ZNF287: variants seen among roughly 807,000 people sequenced by gnomAD.
The protein encoded by ZNF287 is zinc finger protein with KRAB and SCAN domains 13.
ZNF287 carries 31 observed loss-of-function variants against 73.7 expected under a neutral mutation model. That is an observed-to-expected ratio of 0.42 (90% CI 0.32 to 0.57). The LOEUF is 0.57. Ranked by LOEUF, ZNF287 falls within the 20% of genes least tolerant of loss-of-function variation. The pLI, the probability that ZNF287 is intolerant of heterozygous loss-of-function variation, is 0.13. For missense variants in ZNF287, 641 were observed against 909.3 expected (o/e 0.70, Z 3.79); for synonymous variants, 301 against 307.2 (o/e 0.98, Z 0.21).
In ZNF287 at chr17:16,567,314, C is replaced by T. The variant is rs529239634; in HGVS notation, c.403+15G>A. On this transcript the variant is annotated intron_variant, in intron 2 of 5. Transcript: ENST00000395825. Reference sequence around the variant, plus strand: ...CACCCAGGGATTCCTCCCCTCTCTGCTCTATGATTCTCACCTTCCTCTTCT... The same window carrying T: ...CACCCAGGGATTCCTCCCCTCTCTGTTCTATGATTCTCACCTTCCTCTTCT... 3.7e-6 allele frequency: 6 copies of T among 1,603,294 alleles called. No homozygotes were observed. Among genetic ancestry groups the T allele is most frequent in the Non-Finnish European group, 5.1e-6 (6 of 1,173,842 alleles).
rs1470575169 is a variant in ZNF287 at position 16,551,010 on chromosome 17, T to C, written c.*846A>G. On this transcript the variant is annotated 3_prime_UTR_variant, in exon 6 of 6. Coordinates refer to ENST00000395825, the MANE Select transcript of ZNF287 (RefSeq NM_020653.4). ...GTTATATACACATTAGTTTCTATCA[T>C]AACATATCTTTCATTAAGCTTCTCT... Among the ~76,000 whole-genome samples the C allele has an allele frequency of 1.6e-5, 2 of 124,022 alleles. No homozygotes were observed. The highest frequency in any genetic ancestry group is 3.2e-5 in the Non-Finnish European group (2 of 63,428). The allele number at this position is 124,022 out of a possible 152,430, so 81.4% of individuals were successfully genotyped here.
chr17:16,567,711 C>A lies in ZNF287; in HGVS notation c.21G>T (p.Arg7Ser). The change falls in exon 2 of 6, where the codon AGG (arginine) becomes AGT (serine). Residue 7 changes from arginine to serine, a missense_variant. Physicochemically the swap from Arg to Ser is moderately radical, Grantham distance 110 (BLOSUM62 -1). Around this residue, in one of 2 missense-constraint regions of ZNF287, gnomAD observed 357 missense variants for 442.4 expected, o/e 0.81. Coordinates refer to ENST00000395825, the MANE Select transcript of ZNF287 (RefSeq NM_020653.4). MLASSK[R>S]MNSSSRSQIL... ...TTTGAGAACGTGAAGAACTGTTCAT[C>A]CTCTTGCTTGAGGCTAACATTGCTA... 1 of 1,611,398 alleles carries A rather than the reference C, an allele frequency of 6.2e-7. No individual in the cohort carries two copies. Among genetic ancestry groups the A allele is most frequent in the Non-Finnish European group, 8.5e-7 (1 of 1,178,248 alleles).
At position 16,552,729 on chromosome 17, in the gene ZNF287, T is replaced by C. The variant is rs564415552; in HGVS notation, c.1413A>G (p.Gln471=). The part of the protein sequence containing the change: ...FSQRAHLTIH[Q]RTHTGEKPYK... ...ATGGTTTCTCTCCAGTATGTGTCCTTTGATGGATGGTAAGGTGTGCACGCT... is the reference window on the plus strand; with the variant it reads ...ATGGTTTCTCTCCAGTATGTGTCCTCTGATGGATGGTAAGGTGTGCACGCT... Residue 471 remains glutamine (Q), a synonymous_variant, in exon 6 of 6, where the codon CAA becomes CAG. Coordinates refer to ENST00000395825, the MANE Select transcript of ZNF287 (RefSeq NM_020653.4). This position sits in a 1 kb window ranked among gnomAD's most constrained non-coding sequence, Gnocchi z 6.5. 14 of 1,614,072 alleles carry C rather than the reference T, an allele frequency of 8.7e-6. No individual in the cohort carries two copies. The highest frequency in any genetic ancestry group is 8.0e-5 in the African/African-American group (6 of 75,016).
At chr17:16,564,465 G>C (rs761168598) in intron 3 of ZNF287, among the ~76,000 whole-genome samples, 7 of 152,066 alleles carry the variant, frequency 4.6e-5, no homozygotes, top group Admixed American at 2.0e-4. Flanking sequence ...GCTCCCCAAA[G>C]TGTTGGGATT....
rs781012127 is a variant in ZNF287 at position 16,563,790 on chromosome 17, G to A, written c.537C>T (p.Ile179=). 7 of 1,613,912 alleles carry A rather than the reference G, an allele frequency of 4.3e-6. No individual in the cohort carries two copies. The highest frequency in any genetic ancestry group is 5.9e-6 in the Non-Finnish European group (7 of 1,179,882). Residue 179 remains isoleucine, a synonymous_variant, in exon 4 of 6, where the codon ATC becomes ATT. Transcript: ENST00000395825. ...GCATTAACTCCCAGTCCTCCTGGGT[G>A]ATGTCTACAGCCACATCTTTGAATG... ...SMTFKDVAVD[I]TQEDWELMRP...
At chr17:16,556,213 C>G (rs1163737627) in intron 5 of ZNF287, among the ~76,000 whole-genome samples, 1 of 149,656 alleles carries the variant, frequency 6.7e-6, no homozygotes, top group Non-Finnish European at 1.5e-5. Context: ...GGAGAAGGTC[C>G]TGGTCATGAC....
chr17:16,561,548 T>C (rs549520158), intron 5 of ZNF287, among the ~76,000 whole-genome samples: 1 of 152,260 alleles, frequency 6.6e-6, no homozygotes, highest in South Asian at 2.1e-4. Flanking sequence ...TGAGATGAAT[T>C]ACCATTATGT....
At chr17:16,566,783 T>G (rs1907769589) in intron 2 of ZNF287, among the ~76,000 whole-genome samples, 161 bp from the exon 3 acceptor site, 1 of 152,224 alleles carries the variant, frequency 6.6e-6, no homozygotes, top group Non-Finnish European at 1.5e-5. Context: ...GCCAATGACT[T>G]GTCCTAAGAC....
Position 16,548,721 on chromosome 17 carries a change from A to T in ZNF287, c.*3135T>A, listed in dbSNP as rs1304150873. On this transcript the variant is annotated 3_prime_UTR_variant, in exon 6 of 6. Coordinates refer to ENST00000395825, the MANE Select transcript of ZNF287 (RefSeq NM_020653.4). ...AGGCTGAGGCAGGAGAATGGCGTGA[A>T]CCTGGGAGGCGGACCTTGCAGTGAG... Among the ~76,000 whole-genome samples, 5 of 152,068 alleles carry T rather than the reference A, an allele frequency of 3.3e-5. No homozygotes were observed. The highest frequency in any genetic ancestry group is 5.9e-5 in the Non-Finnish European group (4 of 67,988).
chr17:16,550,541 C>T lies in ZNF287; in HGVS notation c.*1315G>A, dbSNP rs1458031802. On this transcript the variant is annotated 3_prime_UTR_variant, in exon 6 of 6. Coordinates refer to ENST00000395825, the MANE Select transcript of ZNF287 (RefSeq NM_020653.4). ...ATAGCTACACTATCACTTCCACTTC[C>T]TTCTCTTGGGATATAGGTAGCATTT... Among the ~76,000 whole-genome samples, 1 of 152,134 alleles carries T rather than the reference C, an allele frequency of 6.6e-6. No individual in the cohort carries two copies. Among genetic ancestry groups the T allele is most frequent in the Admixed American group, 6.5e-5 (1 of 15,270 alleles).
Position 16,550,443 on chromosome 17 carries a change from T to G in ZNF287, c.*1413A>C, listed in dbSNP as rs1158844211. On this transcript the variant is annotated 3_prime_UTR_variant, in exon 6 of 6. Coordinates refer to ENST00000395825, the MANE Select transcript of ZNF287 (RefSeq NM_020653.4). ...GTATGTTTTCCTCACTCCACTAAAATTTCACCTTTTCCCCGACCCACATTC... is the reference window on the plus strand; with the variant it reads ...GTATGTTTTCCTCACTCCACTAAAAGTTCACCTTTTCCCCGACCCACATTC... Among the ~76,000 whole-genome samples, 1 of 152,184 alleles carries G rather than the reference T, an allele frequency of 6.6e-6. No homozygotes were observed. Among genetic ancestry groups the G allele is most frequent in the Non-Finnish European group, 1.5e-5 (1 of 68,002 alleles).
intron 5 of ZNF287, among the ~76,000 whole-genome samples, chr17:16,561,189 C>G (rs1296972799): frequency 6.6e-6 from 1 of 152,076 alleles, no homozygotes; most frequent in Non-Finnish European, 1.5e-5. Context: ...TGGCACATGC[C>G]TCTAATCCCA....
rs758735200 is a variant in ZNF287 at position 16,567,630 on chromosome 17, C to T, written c.102G>A (p.Lys34=). 1.9e-6 allele frequency: 3 copies of T among 1,614,212 alleles called. No individual in the cohort carries two copies. Among genetic ancestry groups the T allele is most frequent in the East Asian group, 2.2e-5 (1 of 44,896 alleles). The stretch of plus-strand genomic sequence containing the variant: ...GCAAGAATCTTGAAGTAAGGATTTC[C>T]TTCTCAACATTGTAGGGTCCACTCT... The part of the protein sequence containing the change: ...KAQSGPYNVE[K]EILTSRFLRD... The change falls in exon 2 of 6, where the codon AAG becomes AAA. Residue 34 remains lysine, a synonymous_variant. Transcript: ENST00000395825.
At chr17:16,567,951 C>T (rs896813727) in intron 1 of ZNF287, 22 bp from the exon 2 acceptor site, 27 of 1,402,986 alleles carry the variant, frequency 1.9e-5, no homozygotes, top group Non-Finnish European at 2.5e-5. Context: ...GCATGGACCA[C>T]AAGGTCAAGA....
chr17:16,561,217 G>T (rs1469079111), intron 5 of ZNF287, among the ~76,000 whole-genome samples: 19 of 152,260 alleles, frequency 1.2e-4, no homozygotes, highest in Admixed American at 1.2e-3. Flanking sequence ...TGGAAGCTGA[G>T]GCAGGAGAAT....
chr17:16,563,266 G>T, intron 4 of ZNF287, 34 bp from the exon 5 acceptor site: 1 of 1,501,802 alleles, frequency 6.7e-7, no homozygotes, highest in Non-Finnish European at 9.1e-7. Context: ...TTTTATCCTG[G>T]AGATAAATGG....
intron 2 of ZNF287, 28 bp downstream of exon 2, chr17:16,567,301 C>T (rs746272124): frequency 2.0e-5 from 32 of 1,584,818 alleles, no homozygotes; most frequent in East Asian, 2.0e-4. Flanking sequence ...CCCAGGGATT[C>T]CTCCCCTCTC....
intron 3 of ZNF287, among the ~76,000 whole-genome samples, chr17:16,564,602 A>G (rs1907639102): frequency 6.6e-6 from 1 of 152,206 alleles, no homozygotes; most frequent in Non-Finnish European, 1.5e-5. Context: ...AAATGTTAAG[A>G]TATTTTTATG....
chr17:16,563,377 G>A, intron 4 of ZNF287, 145 bp from the exon 5 acceptor site: 1 of 617,102 alleles, frequency 1.6e-6, no homozygotes, highest in South Asian at 2.3e-5. Flanking sequence ...GAATTAGGCT[G>A]TTGATTGTTA....
Sources: gnomAD v4.1 joint callset for allele counts (sites outside exome capture counted in the v4.1 genomes callset) on GRCh38, gnomAD v4.1.1 for gene constraint, gnomAD v4.1.1 regional missense constraint, Gnocchi (gnomAD v3.1) non-coding constraint, MANE v1.5 for transcripts, NCBI Gene and HGNC (gene_info 2026-07-23, HGNC 2026-07-21) for gene names.